AGBL4: variants seen among roughly 807,000 people sequenced by gnomAD.
AGBL4 encodes the protein cytosolic carboxypeptidase 6.
A neutral mutation model predicts 66.4 loss-of-function variants in AGBL4; 58 were observed. That is an observed-to-expected ratio of 0.87 (90% confidence interval 0.71 to 1.09). The LOEUF (loss-of-function observed/expected upper bound fraction) is 1.09. Ranked by LOEUF, AGBL4 falls within the 50% of genes least tolerant of loss-of-function variation. The pLI is 0.00. For missense variants in AGBL4, 579 were observed against 631.0 expected (o/e 0.92, Z 0.88); for synonymous variants, 234 against 222.9 (o/e 1.05, Z -0.44).
chr1:48,834,770 C>T (rs1162475147), intron 6 of AGBL4, among the ~76,000 whole-genome samples: 1 of 152,166 alleles, frequency 6.6e-6, no homozygotes, highest in Non-Finnish European at 1.5e-5. Flanking sequence ...AGTTAGGAAA[C>T]TTCTCATTTC....
chr1:49,690,200 T>G (rs1412587344), intron 3 of AGBL4, among the ~76,000 whole-genome samples: 2 of 152,212 alleles, frequency 1.3e-5, no homozygotes, highest in Non-Finnish European at 2.9e-5. Context: ...CTATTGCACA[T>G]TTTATAATAT....
intron 9 of AGBL4, among the ~76,000 whole-genome samples, chr1:48,607,269 G>A (rs1297544825): frequency 6.6e-6 from 1 of 152,066 alleles, no homozygotes; most frequent in African/African-American, 2.4e-5. Flanking sequence ...CATTGTAGGT[G>A]CTCAACAGCC....
chr1:48,943,875 G>A (rs1258870547), intron 5 of AGBL4, among the ~76,000 whole-genome samples: 1 of 152,244 alleles, frequency 6.6e-6, no homozygotes, highest in South Asian at 2.1e-4. Context: ...CCTGCCTGAG[G>A]TGGAGGATGG....
chr1:49,303,451 T>TTTTATTTATTTATTTATTTA (rs141772658), intron 3 of AGBL4, among the ~76,000 whole-genome samples: 24,843 of 147,172 alleles, frequency 0.17, 2,255 homozygotes, highest in African/African-American at 0.21. Flanking sequence ...CATAAATGTC[T>TTTTATTTATTTATTTATTTA]TTTATTTATT....
rs150567907 is a variant in AGBL4 at position 48,765,087 on chromosome 1, T to A, written c.635-101846A>T. Among the ~76,000 whole-genome samples, 63 of 152,242 alleles carry A rather than the reference T, an allele frequency of 4.1e-4. 1 individual carries two copies. Among genetic ancestry groups the A allele is most frequent in the Non-Finnish European group, 4.9e-4 (33 of 68,030 alleles). On this transcript the variant is annotated intron_variant, in intron 6 of 13. Coordinates refer to ENST00000371839, the MANE Select transcript of AGBL4 (RefSeq NM_032785.4). ...GCTTAGCTTCCACTCATCTCCTCCCTCCCTCTCAAAGATGCATTACACATC... is the reference window on the plus strand; with the variant it reads ...GCTTAGCTTCCACTCATCTCCTCCCACCCTCTCAAAGATGCATTACACATC...
chr1:49,578,499 C>A (rs1455923789), intron 3 of AGBL4, among the ~76,000 whole-genome samples: 1 of 152,228 alleles, frequency 6.6e-6, no homozygotes, highest in Admixed American at 6.5e-5. Flanking sequence ...ACATGACCAG[C>A]TGCAGAAATG....
chr1:48,906,884 C>G (rs576164200), intron 5 of AGBL4, among the ~76,000 whole-genome samples: 1 of 152,172 alleles, frequency 6.6e-6, no homozygotes, highest in Non-Finnish European at 1.5e-5. Flanking sequence ...GAAGAAGATA[C>G]GTTTCCTTCT....
chr1:49,145,437 T>C (rs2148107466), intron 4 of AGBL4, among the ~76,000 whole-genome samples: 1 of 152,356 alleles, frequency 6.6e-6, no homozygotes, highest in African/African-American at 2.4e-5. Flanking sequence ...GCTTTAATAA[T>C]TTCTATTGAT....
At chr1:49,451,209 G>A (rs1478771881) in intron 3 of AGBL4, among the ~76,000 whole-genome samples, 3 of 151,904 alleles carry the variant, frequency 2.0e-5, no homozygotes, top group Non-Finnish European at 4.4e-5. Context: ...ATAACAGCAT[G>A]CTACATCCTT....
chr1:49,598,213 C>T (rs954473045), intron 3 of AGBL4, among the ~76,000 whole-genome samples: 2 of 152,180 alleles, frequency 1.3e-5, no homozygotes, highest in Non-Finnish European at 2.9e-5. Flanking sequence ...CTTCTCTCAA[C>T]TCGTCAAAGT....
At chr1:48,657,965 A>G (rs1332160607) in intron 7 of AGBL4, among the ~76,000 whole-genome samples, 1 of 152,216 alleles carries the variant, frequency 6.6e-6, no homozygotes, top group Non-Finnish European at 1.5e-5. Context: ...TCTCTTTGCC[A>G]CTATATTTTT....
At chr1:49,499,087 A>T (rs1647884878) in intron 3 of AGBL4, among the ~76,000 whole-genome samples, 2 of 152,142 alleles carry the variant, frequency 1.3e-5, no homozygotes, top group South Asian at 4.1e-4. Flanking sequence ...TGAGTATGGA[A>T]CTATTCCCTC....
At chr1:50,005,051 G>A (rs1661030707) in intron 1 of AGBL4, among the ~76,000 whole-genome samples, 1 of 152,118 alleles carries the variant, frequency 6.6e-6, no homozygotes, top group Non-Finnish European at 1.5e-5. Context: ...ACCTGCCGGG[G>A]AATGGGAGGA....
intron 9 of AGBL4, among the ~76,000 whole-genome samples, chr1:48,616,100 G>A (rs941935768): frequency 6.6e-6 from 1 of 152,178 alleles, no homozygotes; most frequent in Non-Finnish European, 1.5e-5. Flanking sequence ...TCAGCATATG[G>A]ATTTTGGAGG....
At chr1:48,750,695 C>G (rs1269753995) in intron 6 of AGBL4, among the ~76,000 whole-genome samples, 1 of 152,232 alleles carries the variant, frequency 6.6e-6, no homozygotes, top group Non-Finnish European at 1.5e-5. Flanking sequence ...AAACATTTCC[C>G]TACGGTCAGA....
In AGBL4 at chr1:48,546,967, C is replaced by T. The variant is rs768965573; in HGVS notation, c.1268-7229G>A. Among the ~76,000 whole-genome samples, 34 of 151,146 alleles carry T rather than the reference C, an allele frequency of 2.2e-4. 1 individual carries two copies. Among genetic ancestry groups the T allele is most frequent in the African/African-American group, 6.3e-4 (26 of 40,994 alleles). On this transcript the variant is annotated intron_variant, in intron 11 of 13. Transcript: ENST00000371839. ...AGTCTGTACCTGCAGATAATGCAGG[C>T]GTGGGAAGGCCTCTCTGAGGAGGGG...
At chr1:49,728,326 A>C (rs946603997) in intron 2 of AGBL4, among the ~76,000 whole-genome samples, 2 of 152,190 alleles carry the variant, frequency 1.3e-5, no homozygotes, top group Non-Finnish European at 1.5e-5. Flanking sequence ...TAAACTACAC[A>C]CTGTGTTTCT....
chr1:49,842,623 G>A (rs1305883753), intron 2 of AGBL4, among the ~76,000 whole-genome samples: 4 of 152,122 alleles, frequency 2.6e-5, no homozygotes, highest in Admixed American at 1.3e-4. Flanking sequence ...GAGTGGGGGA[G>A]ACAAACAATA....
rs1359966975 is a variant in AGBL4 at position 49,251,640 on chromosome 1, A to G, written c.283-5776T>C. On this transcript the variant is annotated intron_variant, in intron 3 of 13. Transcript: ENST00000371839. ...ACAAACTTCATTGCCTTGTCACTGT[A>G]GTGAATGCCTGCAGGGAAGCAGGCA... 2.0e-5 allele frequency among the ~76,000 whole-genome samples: 3 copies of G among 152,314 alleles called. No individual in the cohort carries two copies. The East Asian group carries it at 5.8e-4, about 29-fold the overall frequency.
Sources: gnomAD v4.1 joint callset for allele counts (sites outside exome capture counted in the v4.1 genomes callset) on GRCh38, gnomAD v4.1.1 for gene constraint, MANE v1.5 for transcripts, NCBI Gene and HGNC (gene_info 2026-07-23, HGNC 2026-07-21) for gene names.